Variants in COL20A1 observed in about 807,000 individuals in gnomAD.
COL20A1 encodes the protein collagen alpha-1(XX) chain.
COL20A1 carries 164 observed loss-of-function variants against 152.9 expected under a neutral mutation model. That is an observed-to-expected ratio of 1.07 (90% confidence interval 0.94 to 1.22). The LOEUF (loss-of-function observed/expected upper bound fraction) is 1.22. COL20A1 is among the 50% of genes most tolerant of loss of function. The pLI is 0.00. For synonymous variants in COL20A1, 864 were observed against 756.0 expected (o/e 1.14, Z -2.34); for missense variants, 1,873 against 1,744.8 (o/e 1.07, Z -1.31).
chr20:63,295,604 A>G (rs935262581), intron 2 of COL20A1, among the ~76,000 whole-genome samples: 1 of 152,040 alleles, frequency 6.6e-6, no homozygotes, highest in Non-Finnish European at 1.5e-5. Context: ...ATTTCCACGC[A>G]GCACCACCCC....
rs950353081 is a variant in COL20A1, at chr20:63,322,040, C to G, written c.3241-18C>G. On this transcript the variant is annotated intron_variant, in intron 26 of 35. Transcript: ENST00000358894. ...GTTGGGTAGTTCTGGGGGCTTAGCC[C>G]TGTTTGTGCCTCTGCAGGGCCTCCC... 1.6e-5 allele frequency: 24 copies of G among 1,509,894 alleles called. No individual in the cohort carries two copies. The highest frequency in any genetic ancestry group is 3.5e-4 in the Middle Eastern group (2 of 5,726). The allele number at this position is 1,509,894 out of a possible 1,614,324, so 93.5% of individuals were successfully genotyped here. A position where few individuals can be genotyped will look rare whatever the true frequency, so the allele number is the denominator to read the frequency against.
At chr20:63,307,835 C>A (rs888062034) in intron 6 of COL20A1, 136 bp from the exon 7 acceptor site, 1 of 1,233,226 alleles carries the variant, frequency 8.1e-7, no homozygotes, top group African/African-American at 1.5e-5. Context: ...TGCAAGCGTC[C>A]TCTCCCTGGG....
chr20:63,319,328 G>T lies in COL20A1; in HGVS notation c.2806+128G>T. The T allele has an allele frequency of 8.5e-7, 1 of 1,173,786 alleles. No individual in the cohort carries two copies. Among genetic ancestry groups the T allele is most frequent in the Non-Finnish European group, 1.2e-6 (1 of 840,788 alleles). The allele number at this position is 1,173,786 out of a possible 1,614,324, so 72.7% of individuals were successfully genotyped here. A position where few individuals can be genotyped will look rare whatever the true frequency, so the allele number is the denominator to read the frequency against. Reference sequence around the variant, plus strand: ...GCCCTCAGCACCCTCTGGGTGGGAGGCAGGTGTCCCGGGCAGGGGGCTGTG... The same window carrying T: ...GCCCTCAGCACCCTCTGGGTGGGAGTCAGGTGTCCCGGGCAGGGGGCTGTG... On this transcript the variant is annotated intron_variant, in intron 22 of 35. Coordinates refer to ENST00000358894, the MANE Select transcript of COL20A1 (RefSeq NM_020882.4). The surrounding 1 kb of genome is among the most constrained non-coding windows in gnomAD (Gnocchi z 4.4).
At chr20:63,323,337 C>T (rs1261406190) in intron 27 of COL20A1, among the ~76,000 whole-genome samples, 1 of 152,268 alleles carries the variant, frequency 6.6e-6, no homozygotes, top group Non-Finnish European at 1.5e-5. Flanking sequence ...CGTTTCCATA[C>T]AGATTTTAAA....
intron 34 of COL20A1, chr20:63,329,384 G>C: frequency 1.7e-6 from 1 of 587,510 alleles, no homozygotes; most frequent in Non-Finnish European, 3.0e-6. Flanking sequence ...TGCCCCCCCA[G>C]AACTGTCATG....
In COL20A1 at chr20:63,328,430, CT is replaced by C; in HGVS notation, c.3714del (p.Gly1239AlafsTer174). 1 of 1,612,518 alleles carries C rather than the reference CT, an allele frequency of 6.2e-7. No homozygotes were observed. The highest frequency in any genetic ancestry group is 1.3e-5 in the African/African-American group (1 of 75,052). ...CCGGGCACTGAGCCCCTGGGGTCCC[CT>C]GGCACCCGCAGCAAGGCCCTGGTTC... The part of the protein sequence containing the change: ...LEPGTEPLGS[P>X]GTRSKALVPG... On this transcript the variant is annotated frameshift_variant, in exon 34 of 36. Coordinates refer to ENST00000358894, the MANE Select transcript of COL20A1 (RefSeq NM_020882.4). LOFTEE classifies it high-confidence loss of function.
chr20:63,325,235 C>T (rs1427484085), intron 27 of COL20A1: 1 of 697,352 alleles, frequency 1.4e-6, no homozygotes. Context: ...CAAGCGTGAC[C>T]TTGTCAGGCC....
In COL20A1 at chr20:63,315,454, C is replaced by A; in HGVS notation, c.2524+15C>A. On this transcript the variant is annotated intron_variant, in intron 20 of 35. Transcript: ENST00000358894. The stretch of plus-strand genomic sequence containing the variant: ...CTCCCTCCCAGGTGGGTCCTGCATG[C>A]CCTCCCCTGCCTGCCCACCCACAGT... The A allele has an allele frequency of 6.4e-7, 1 of 1,561,016 alleles. No homozygotes were observed. The highest frequency in any genetic ancestry group is 1.4e-5 in the African/African-American group (1 of 73,924).
At chr20:63,299,313 T>C (rs540609549) in intron 3 of COL20A1, among the ~76,000 whole-genome samples, 1 of 152,322 alleles carries the variant, frequency 6.6e-6, no homozygotes, top group Admixed American at 6.5e-5. Flanking sequence ...TGAACTATTT[T>C]CCAAAGGGGT....
intron 2 of COL20A1, among the ~76,000 whole-genome samples, 190 bp from the exon 3 acceptor site, chr20:63,297,720 G>A (rs1477398453): frequency 6.6e-6 from 1 of 152,220 alleles, no homozygotes; most frequent in Non-Finnish European, 1.5e-5. Context: ...GCGCCCAGGC[G>A]AGGCCTCGTA....
intron 10 of COL20A1, 120 bp from the exon 11 acceptor site, chr20:63,310,261 G>C: frequency 9.1e-7 from 1 of 1,102,168 alleles, no homozygotes; most frequent in Non-Finnish European, 1.3e-6. Flanking sequence ...CAGGCCTGTG[G>C]GAAGTGGGGC....
chr20:63,312,841 T>C lies in COL20A1; in HGVS notation c.1983T>C (p.Asp661=), dbSNP rs4809530. 0.061 allele frequency: 95,545 copies of C among 1,560,030 alleles called. 3,339 individuals carry two copies. Among genetic ancestry groups the C allele is most frequent in the South Asian group, 0.1 (8,882 of 84,640 alleles). The change falls in exon 16 of 36, where the codon GAT becomes GAC. Residue 661 remains aspartate, a synonymous_variant. Coordinates refer to ENST00000358894, the MANE Select transcript of COL20A1 (RefSeq NM_020882.4). ...TGTCCATGACGGAGCTGCCAGGGGA[T>C]GCAGTCCAGCTGGCGTGGGTGGCCG... ...SQLSMTELPG[D]AVQLAWVAAA... is the part of the protein sequence containing the mutation.
intron 31 of COL20A1, chr20:63,327,628 G>A (rs984619067): frequency 5.1e-5 from 19 of 370,100 alleles, no homozygotes; most frequent in African/African-American, 8.2e-5. Context: ...CCCGGGGCCC[G>A]GGAGGGGTCT....
At chr20:63,327,118 T>C in intron 31 of COL20A1, 1 of 347,668 alleles carries the variant, frequency 2.9e-6, no homozygotes, top group Non-Finnish European at 5.2e-6. Context: ...TGCCAGGGAC[T>C]TCCTGTTTAC....
At chr20:63,300,153 G>A (rs1247905392) in intron 3 of COL20A1, among the ~76,000 whole-genome samples, 1 of 151,988 alleles carries the variant, frequency 6.6e-6, no homozygotes, top group East Asian at 1.9e-4. Flanking sequence ...TATTCATGAG[G>A]GAATATTGGC....
Position 63,329,020 on chromosome 20 carries a change from G to T in COL20A1, c.3781+522G>T, listed in dbSNP as rs544517646. ...AGGCTGATTCGGGGAGCTGGAGCTG[G>T]AGAGGGGCGTCCACGGGGAGAACAG... On this transcript the variant is annotated intron_variant, in intron 34 of 35. Coordinates refer to ENST00000358894, the MANE Select transcript of COL20A1 (RefSeq NM_020882.4). 3.0e-3 allele frequency: 520 copies of T among 171,022 alleles called. 4 individuals carry two copies. The highest frequency in any genetic ancestry group is 0.012 in the African/African-American group (488 of 41,820). 10.6% of individuals were successfully genotyped at this position (171,022 alleles called of 1,614,324 possible). A position where few individuals can be genotyped will look rare whatever the true frequency, so the allele number is the denominator to read the frequency against.
chr20:63,318,353 CAGAT>C (rs143849707), intron 21 of COL20A1, among the ~76,000 whole-genome samples: 175 of 152,008 alleles, frequency 1.2e-3, no homozygotes, highest in Non-Finnish European at 2.0e-3. Context: ...GAATGGAAGA[CAGAT>C]AGGAGGCTAC....
intron 27 of COL20A1, chr20:63,324,990 C>G (rs374168433): frequency 3.4e-6 from 1 of 291,588 alleles, no homozygotes; most frequent in South Asian, 2.7e-5. Flanking sequence ...CAGAGTTGGG[C>G]AGGGGAGGGC....
chr20:63,310,010 T>G, intron 10 of COL20A1, 95 bp downstream of exon 10: 2 of 1,158,734 alleles, frequency 1.7e-6, no homozygotes, highest in Non-Finnish European at 2.4e-6. Flanking sequence ...GGCCCACAAA[T>G]AACTGGGTCC....
Sources: gnomAD v4.1 joint callset for allele counts (sites outside exome capture counted in the v4.1 genomes callset) on GRCh38, gnomAD v4.1.1 for gene constraint, Gnocchi (gnomAD v3.1) non-coding constraint, MANE v1.5 for transcripts, NCBI Gene and HGNC (gene_info 2026-07-23, HGNC 2026-07-21) for gene names.